Variants in STXBP5L observed in about 807,000 individuals in gnomAD.
STXBP5L encodes the protein syntaxin-binding protein 5-like.
STXBP5L carries 65 observed loss-of-function variants against 144.5 expected under a neutral mutation model. The observed-to-expected ratio is 0.45, with a 90% CI of 0.37 to 0.55. The LOEUF (loss-of-function observed/expected upper bound fraction) is 0.55. Ranked by LOEUF, STXBP5L falls within the 20% of genes least tolerant of loss-of-function variation. The pLI is 0.00. For synonymous variants in STXBP5L, 505 were observed against 469.6 expected (o/e 1.08, Z -0.97); for missense variants, 1,298 against 1,405.5 (o/e 0.92, Z 1.22).
In STXBP5L at chr3:121,307,016, T is replaced by A. The variant is rs566271322; in HGVS notation, c.2111-11459T>A. On this transcript the variant is annotated intron_variant, in intron 19 of 26. Coordinates refer to ENST00000471454, the MANE Select transcript of STXBP5L (RefSeq NM_001308330.2). ...AGATGAAGGAGATAGTTAAAGAGAA[T>A]CCTGCTAAAATCACTGCCATCCCAG... 7.2e-5 allele frequency among the ~76,000 whole-genome samples: 11 copies of A among 152,212 alleles called. No homozygotes were observed. The East Asian group carries it at 2.1e-3, about 29-fold the overall frequency.
At chr3:121,027,296 G>A (rs1946018594) in intron 3 of STXBP5L, among the ~76,000 whole-genome samples, 1 of 151,970 alleles carries the variant, frequency 6.6e-6, no homozygotes, top group African/African-American at 2.4e-5. Flanking sequence ...CATGATTTAA[G>A]GAAATTAGTG....
rs2047368266 is a variant in STXBP5L at position 121,422,312 on chromosome 3, T to C, written c.*3215T>C. 1.3e-5 allele frequency: 2 copies of C among 152,186 alleles called. No homozygotes were observed. The highest frequency in any genetic ancestry group is 4.1e-4 in the South Asian group (2 of 4,830). The allele number at this position is 152,186 out of a possible 1,614,324, so 9.4% of individuals were successfully genotyped here. A position where few individuals can be genotyped will look rare whatever the true frequency, so the allele number is the denominator to read the frequency against. The stretch of plus-strand genomic sequence containing the variant: ...TAGTTACCATCAAAATTACATTCTA[T>C]CTGCTAAAGCGACATCAGAAGATAA... On this transcript the variant is annotated 3_prime_UTR_variant, in exon 27 of 27. Coordinates refer to ENST00000471454, the MANE Select transcript of STXBP5L (RefSeq NM_001308330.2).
intron 20 of STXBP5L, among the ~76,000 whole-genome samples, chr3:121,359,614 G>C (rs569203938): frequency 6.6e-6 from 1 of 152,016 alleles, no homozygotes; most frequent in Non-Finnish European, 1.5e-5. Flanking sequence ...GTTTTGATTT[G>C]ATTTTCGTAT....
intron 19 of STXBP5L, among the ~76,000 whole-genome samples, chr3:121,297,213 T>TGG (rs751316120): frequency 0.019 from 2,013 of 108,046 alleles, 24 homozygotes; most frequent in Middle Eastern, 0.03. Flanking sequence ...TGTGTGTGTG[T>TGG]GTGTGTGTGT....
chr3:121,310,700 G>T (rs1007994615), intron 19 of STXBP5L, among the ~76,000 whole-genome samples: 1 of 151,858 alleles, frequency 6.6e-6, no homozygotes. Flanking sequence ...CTGGAGGTCA[G>T]GAGTTTGAGA....
chr3:121,396,860 C>T (rs1172018359), intron 22 of STXBP5L, among the ~76,000 whole-genome samples: 1 of 152,232 alleles, frequency 6.6e-6, no homozygotes, highest in African/African-American at 2.4e-5. Context: ...CTACTTCTAA[C>T]TGCTGTTTGC....
At chr3:121,185,262 A>G (rs2047328827) in intron 9 of STXBP5L, among the ~76,000 whole-genome samples, 1 of 152,166 alleles carries the variant, frequency 6.6e-6, no homozygotes, top group Non-Finnish European at 1.5e-5. Context: ...GTTCACTCTG[A>G]TGGTAGTTTC....
chr3:121,179,449 T>C (rs912977067), intron 9 of STXBP5L, among the ~76,000 whole-genome samples: 2 of 152,064 alleles, frequency 1.3e-5, no homozygotes, highest in African/African-American at 4.8e-5. Context: ...CAGTCAAAAA[T>C]TCAAAAACAA....
chr3:121,020,547 G>T (rs1341794085), intron 3 of STXBP5L, among the ~76,000 whole-genome samples: 1 of 152,172 alleles, frequency 6.6e-6, no homozygotes, highest in Non-Finnish European at 1.5e-5. Flanking sequence ...AAACCTATCA[G>T]ATTAACAGCA....
At chr3:120,925,209 A>G (rs1462614561) in intron 2 of STXBP5L, 2 of 152,182 alleles carry the variant, frequency 1.3e-5, no homozygotes, top group African/African-American at 4.8e-5. Flanking sequence ...CCTAATGACA[A>G]TGTCCACACT....
intron 20 of STXBP5L, among the ~76,000 whole-genome samples, chr3:121,318,952 C>T (rs901481360): frequency 2.6e-5 from 4 of 151,974 alleles, no homozygotes; most frequent in Non-Finnish European, 4.4e-5. Flanking sequence ...AGTTTGGAAA[C>T]ATGTATATTT....
At chr3:121,208,093 T>A (rs1322436005) in intron 10 of STXBP5L, among the ~76,000 whole-genome samples, 1 of 152,144 alleles carries the variant, frequency 6.6e-6, no homozygotes, top group African/African-American at 2.4e-5. Context: ...CAAATGTCCA[T>A]CAGTGATAGA....
Position 121,282,838 on chromosome 3 carries a change from A to G in STXBP5L, c.2110+2882A>G, listed in dbSNP as rs180754357. Reference sequence around the variant, plus strand: ...TTTCTGATGATTTTTATTAAAATATACAAACATATTTCTATGGTGATTTAA... The same window carrying G: ...TTTCTGATGATTTTTATTAAAATATGCAAACATATTTCTATGGTGATTTAA... On this transcript the variant is annotated intron_variant, in intron 19 of 26. Transcript: ENST00000471454. 5.6e-4 allele frequency among the ~76,000 whole-genome samples: 85 copies of G among 152,180 alleles called. 3 individuals carry two copies. The highest frequency in any genetic ancestry group is 2.6e-4 in the Admixed American group (4 of 15,240).
At chr3:121,077,832 G>A (rs939929118) in intron 5 of STXBP5L, among the ~76,000 whole-genome samples, 4 of 151,968 alleles carry the variant, frequency 2.6e-5, no homozygotes, top group African/African-American at 7.3e-5. Context: ...GTGTCGATTG[G>A]TGCATTCACA....
intron 6 of STXBP5L, among the ~76,000 whole-genome samples, chr3:121,115,764 C>A (rs1193255691): frequency 6.6e-6 from 1 of 152,034 alleles, no homozygotes; most frequent in Middle Eastern, 3.2e-3. Context: ...TCCAGGGAGG[C>A]CTCAGGAAGC....
intron 2 of STXBP5L, 87 bp from the exon 3 acceptor site, chr3:120,954,853 A>G: frequency 5.9e-6 from 6 of 1,022,666 alleles, no homozygotes; most frequent in Middle Eastern, 2.2e-4. Context: ...AACTAATTTT[A>G]GACATTCTGG....
chr3:121,232,538 G>A (rs2049342314), intron 11 of STXBP5L, among the ~76,000 whole-genome samples: 1 of 152,162 alleles, frequency 6.6e-6, no homozygotes, highest in African/African-American at 2.4e-5. Context: ...TAAAACACCT[G>A]GACAGCTGCT....
At chr3:121,197,326 T>G (rs377416366) in intron 9 of STXBP5L, among the ~76,000 whole-genome samples, 2 of 152,180 alleles carry the variant, frequency 1.3e-5, no homozygotes, top group Non-Finnish European at 2.9e-5. Flanking sequence ...TCCTTTTGAT[T>G]GGAATGTTTA....
At chr3:121,079,204 A>G (rs1424688956) in intron 5 of STXBP5L, among the ~76,000 whole-genome samples, 3 of 152,276 alleles carry the variant, frequency 2.0e-5, no homozygotes, top group African/African-American at 7.2e-5. Context: ...AGCCCTGAAG[A>G]AAGGGCTTTT....
Sources: gnomAD v4.1 joint callset for allele counts (sites outside exome capture counted in the v4.1 genomes callset) on GRCh38, gnomAD v4.1.1 for gene constraint, MANE v1.5 for transcripts, NCBI Gene and HGNC (gene_info 2026-07-23, HGNC 2026-07-21) for gene names.